Variants in WWOX observed in about 807,000 individuals in gnomAD.
The protein encoded by WWOX is WW domain-containing oxidoreductase.
In WWOX, 69 loss-of-function variants were observed where a neutral mutation model predicts 46.2. That is an observed-to-expected ratio of 1.49 (90% CI 1.23 to 1.82). WWOX has a LOEUF of 1.82. Among genes scored for constraint, WWOX ranks in the 40% most tolerant of loss-of-function variants. The probability of loss-of-function intolerance (pLI) is 0.00; values close to 1 mark genes in which losing one functional copy is unlikely to be tolerated. For missense variants in WWOX, 919 were observed against 542.6 expected (o/e 1.69, Z -6.89); for synonymous variants, 359 against 202.6 (o/e 1.77, Z -6.56).
chr16:78,137,721 A>G (rs1259730726), intron 4 of WWOX, among the ~76,000 whole-genome samples: 1 of 152,158 alleles, frequency 6.6e-6, no homozygotes, highest in Non-Finnish European at 1.5e-5. Context: ...TCTCTGTTCC[A>G]CTTTGGGAGT....
At position 78,929,811 on chromosome 16, in the gene WWOX, A is replaced by G. The variant is rs116733173; in HGVS notation, c.1057-281797A>G. Among the ~76,000 whole-genome samples, 431 of 152,364 alleles carry G rather than the reference A, an allele frequency of 2.8e-3. 2 individuals carry two copies. Among genetic ancestry groups the G allele is most frequent in the African/African-American group, 0.01 (421 of 41,596 alleles). On this transcript the variant is annotated intron_variant, in intron 8 of 8. Transcript: ENST00000566780. ...GACCTGGGGCAATGCCATAAATCCAAGAAAGACTGGGTTTCAGGTGCAGGA... is the reference window on the plus strand; with the variant it reads ...GACCTGGGGCAATGCCATAAATCCAGGAAAGACTGGGTTTCAGGTGCAGGA...
At chr16:79,031,738 C>T (rs930841420) in intron 8 of WWOX, among the ~76,000 whole-genome samples, 2 of 145,912 alleles carry the variant, frequency 1.4e-5, no homozygotes, top group Non-Finnish European at 3.0e-5. Flanking sequence ...TAGGCTCTCT[C>T]TCTGTCTCTT....
chr16:78,322,818 G>A (rs1314815737), intron 5 of WWOX, among the ~76,000 whole-genome samples: 1 of 152,204 alleles, frequency 6.6e-6, no homozygotes, highest in South Asian at 2.1e-4. Flanking sequence ...TGGACGCTAC[G>A]TAAGAAAATG....
In WWOX at chr16:78,170,986, A is replaced by G. The variant is rs541398640; in HGVS notation, c.516+6697A>G. Among the ~76,000 whole-genome samples the G allele has an allele frequency of 2.2e-3, 337 of 152,284 alleles. 2 individuals are homozygous for G. The highest frequency in any genetic ancestry group is 7.6e-3 in the African/African-American group (315 of 41,558). On this transcript the variant is annotated intron_variant, in intron 5 of 8. Coordinates refer to ENST00000566780, the MANE Select transcript of WWOX (RefSeq NM_016373.4). ...TTTCAATAGAGTTGATATCGGGTCT[A>G]TTTATTTTGTGGGAGTGAAGGGATA...
At chr16:78,790,431 A>G (rs2142590926) in intron 8 of WWOX, among the ~76,000 whole-genome samples, 1 of 152,248 alleles carries the variant, frequency 6.6e-6, no homozygotes, top group East Asian at 1.9e-4. Flanking sequence ...CACCGTGCCC[A>G]GCTCAGCATT....
chr16:78,794,451 A>G (rs949106440), intron 8 of WWOX, among the ~76,000 whole-genome samples: 4 of 152,226 alleles, frequency 2.6e-5, no homozygotes, highest in Admixed American at 6.5e-5. Flanking sequence ...AAAAGCCCCA[A>G]AAGACTATGA....
intron 8 of WWOX, among the ~76,000 whole-genome samples, chr16:78,546,848 C>T (rs910453727): frequency 2.0e-5 from 3 of 152,124 alleles, no homozygotes; most frequent in South Asian, 2.1e-4. Context: ...AGACCTGGGC[C>T]AGGCCCGGTG....
chr16:79,145,594 C>G (rs963204181), intron 8 of WWOX, among the ~76,000 whole-genome samples: 2 of 152,152 alleles, frequency 1.3e-5, no homozygotes, highest in African/African-American at 4.8e-5. Flanking sequence ...TCAATTGTCA[C>G]ATTATTTTAG....
intron 8 of WWOX, among the ~76,000 whole-genome samples, chr16:78,809,747 C>G (rs567567341): frequency 6.6e-6 from 1 of 152,236 alleles, no homozygotes; most frequent in African/African-American, 2.4e-5. Flanking sequence ...GACAATTTCT[C>G]AAAGCTTAGC....
chr16:78,803,320 C>G (rs1036605143), intron 8 of WWOX, among the ~76,000 whole-genome samples: 1 of 151,926 alleles, frequency 6.6e-6, no homozygotes, highest in African/African-American at 2.4e-5. Flanking sequence ...TTTATTTGGC[C>G]AGAAAGTCTA....
intron 8 of WWOX, among the ~76,000 whole-genome samples, chr16:78,562,298 CTT>C (rs540171383): frequency 6.6e-5 from 10 of 152,218 alleles, no homozygotes; most frequent in Non-Finnish European, 1.0e-4. Flanking sequence ...TGAGAGCTCA[CTT>C]TATCTCAAAA....
intron 8 of WWOX, among the ~76,000 whole-genome samples, chr16:78,617,762 C>T (rs1167871490): frequency 1.3e-5 from 2 of 152,190 alleles, no homozygotes; most frequent in African/African-American, 2.4e-5. Context: ...GGGCATCTCA[C>T]GCATTGGCCC....
At chr16:79,193,193 G>C (rs1034333819) in intron 8 of WWOX, among the ~76,000 whole-genome samples, 2 of 152,174 alleles carry the variant, frequency 1.3e-5, no homozygotes, top group Admixed American at 6.5e-5. Context: ...TATGGAATCA[G>C]ATAGACCAAA....
At chr16:78,821,734 C>T (rs1388262019) in intron 8 of WWOX, among the ~76,000 whole-genome samples, 1 of 152,200 alleles carries the variant, frequency 6.6e-6, no homozygotes, top group African/African-American at 2.4e-5. Context: ...AAGTCTATTT[C>T]TGAGGCTGGA....
intron 8 of WWOX, among the ~76,000 whole-genome samples, chr16:79,027,132 T>C (rs2047661532): frequency 6.6e-6 from 1 of 151,158 alleles, no homozygotes; most frequent in Non-Finnish European, 1.5e-5. Context: ...ATAAAATAAT[T>C]AGCTGGGCAT....
chr16:79,089,209 C>G (rs1404665089), intron 8 of WWOX, among the ~76,000 whole-genome samples: 1 of 152,104 alleles, frequency 6.6e-6, no homozygotes, highest in East Asian at 1.9e-4. Context: ...TGAGTCTCTA[C>G]TCATGTTTTA....
chr16:79,210,579 T>C (rs2051696045), intron 8 of WWOX, among the ~76,000 whole-genome samples: 1 of 152,184 alleles, frequency 6.6e-6, no homozygotes, highest in South Asian at 2.1e-4. Flanking sequence ...CTCCCTCTCA[T>C]CAGCTGAAAA....
chr16:78,130,910 C>A (rs1012323260), intron 4 of WWOX, among the ~76,000 whole-genome samples: 2 of 152,130 alleles, frequency 1.3e-5, no homozygotes, highest in African/African-American at 2.4e-5. Flanking sequence ...CGTTGTGCAA[C>A]CCTCATAGGA....
chr16:78,363,284 T>C (rs1463870636), intron 5 of WWOX, among the ~76,000 whole-genome samples: 2 of 136,930 alleles, frequency 1.5e-5, no homozygotes, highest in Non-Finnish European at 3.0e-5. Context: ...TTTTGAGGGC[T>C]TTTTTTTTTG....
Sources: allele counts gnomAD v4.1 joint callset (sites outside exome capture counted in the v4.1 genomes callset), GRCh38; gene constraint gnomAD v4.1.1; transcripts MANE v1.5; gene names NCBI Gene and HGNC (gene_info 2026-07-23, HGNC 2026-07-21).